Variants in SLC2A7 observed in about 807,000 individuals in gnomAD.
SLC2A7 encodes the protein solute carrier family 2, facilitated glucose transporter member 7.
Under a neutral mutation model 50.5 loss-of-function variants are expected in SLC2A7, and 50 were observed. That is an observed-to-expected ratio of 0.99 (90% CI 0.79 to 1.25). The LOEUF (loss-of-function observed/expected upper bound fraction) is 1.25. Among genes scored for constraint, SLC2A7 ranks in the 50% most tolerant of loss-of-function variants. The pLI is 0.00. For synonymous variants in SLC2A7, 308 were observed against 300.4 expected (o/e 1.03, Z -0.26); for missense variants, 683 against 679.1 (o/e 1.01, Z -0.06).
chr1:9,003,669 C>T, intron 11 of SLC2A7, 151 bp from the exon 12 acceptor site: 2 of 638,602 alleles, frequency 3.1e-6, no homozygotes, highest in Admixed American at 2.8e-5. Flanking sequence ...ACCAACCTGG[C>T]CAACATGATG....
chr1:9,024,853 AAGGCAAGATGGTGCCTCCTAC>A (rs1456894165), intron 2 of SLC2A7, 102 bp downstream of exon 2: 82 of 1,094,622 alleles, frequency 7.5e-5, no homozygotes, highest in Non-Finnish European at 1.0e-4. Context: ...GCTGCTCCCA[AAGGCAAGATGGTGCCTCCTAC>A]AGGCAAGATG....
chr1:8,997,259 T>C, the SLC2A7 span, among the ~76,000 whole-genome samples: 1 of 152,036 alleles, frequency 6.6e-6, no homozygotes, highest in African/African-American at 2.4e-5. Context: ...TGAGCCATGA[T>C]TGTGTCACTG....
At chr1:8,995,435 G>A in the SLC2A7 span, among the ~76,000 whole-genome samples, 21 of 146,366 alleles carry the variant, frequency 1.4e-4, no homozygotes, top group East Asian at 3.2e-3. Context: ...GCGACAGAGC[G>A]AGACTCTGCC....
chr1:9,021,206 C>T (rs1640907799), intron 3 of SLC2A7, among the ~76,000 whole-genome samples: 1 of 152,210 alleles, frequency 6.6e-6, no homozygotes, highest in Non-Finnish European at 1.5e-5. Flanking sequence ...GATGGAGTTT[C>T]ACCATGTTGG....
rs1640873656 is a variant in SLC2A7 at position 9,019,116 on chromosome 1, A to G, written c.436+93T>C. ...AGGACGTCTTGAAATGAAAAGAGGCAGAGCCAGGCAGACACCTCATCTGCT... is the reference window on the plus strand; with the variant it reads ...AGGACGTCTTGAAATGAAAAGAGGCGGAGCCAGGCAGACACCTCATCTGCT... On this transcript the variant is annotated intron_variant, in intron 4 of 11. Coordinates refer to ENST00000400906, the MANE Select transcript of SLC2A7 (RefSeq NM_207420.3). 26 of 1,499,520 alleles carry G rather than the reference A, an allele frequency of 1.7e-5. 1 individual carries two copies. In the South Asian group the frequency reaches 3.2e-4, roughly 19 times the overall value. 92.9% of individuals were successfully genotyped at this position (1,499,520 alleles called of 1,614,324 possible).
At chr1:8,997,764 T>C in the SLC2A7 span, among the ~76,000 whole-genome samples, 3 of 152,358 alleles carry the variant, frequency 2.0e-5, no homozygotes, top group South Asian at 2.1e-4. Context: ...CTCAGATATA[T>C]GATTTGCAAT....
intron 3 of SLC2A7, among the ~76,000 whole-genome samples, chr1:9,021,443 C>T (rs1640911671): frequency 2.0e-5 from 3 of 152,188 alleles, no homozygotes; most frequent in African/African-American, 2.4e-5. Flanking sequence ...ACACTTTGCA[C>T]ACATCTTTGA....
chr1:9,018,119 C>A lies in SLC2A7; in HGVS notation c.589+104G>T. On this transcript the variant is annotated intron_variant, in intron 5 of 11. Coordinates refer to ENST00000400906, the MANE Select transcript of SLC2A7 (RefSeq NM_207420.3). ...CCCACCACACTGCCCAACACCTGAC[C>A]CTAAAATCATCTCTCGGGTCTCATC... 3 of 1,501,982 alleles carry A rather than the reference C, an allele frequency of 2.0e-6. No individual in the cohort carries two copies. The Admixed American group carries it at 5.7e-5, about 28-fold the overall frequency. The allele number at this position is 1,501,982 out of a possible 1,614,324, so 93.0% of individuals were successfully genotyped here. A position where few individuals can be genotyped will look rare whatever the true frequency, so the allele number is the denominator to read the frequency against.
intron 5 of SLC2A7, 89 bp from the exon 6 acceptor site, chr1:9,015,331 T>C: frequency 9.0e-6 from 13 of 1,440,978 alleles, no homozygotes; most frequent in Non-Finnish European, 1.2e-5. Context: ...CTCCTATGTG[T>C]GAACCAAGGA....
the SLC2A7 span, among the ~76,000 whole-genome samples, chr1:8,996,182 C>T: frequency 6.6e-6 from 1 of 152,086 alleles, no homozygotes; most frequent in African/African-American, 2.4e-5. Context: ...TTCATTGCCC[C>T]CAAAAGTTTC....
chr1:9,007,585 C>T (rs916583501), intron 9 of SLC2A7, among the ~76,000 whole-genome samples, 200 bp from the exon 10 acceptor site: 8 of 152,192 alleles, frequency 5.3e-5, no homozygotes, highest in African/African-American at 1.9e-4. Flanking sequence ...GGGCTCCCTC[C>T]AGCCTCACCT....
chr1:8,995,611 G>A, the SLC2A7 span, among the ~76,000 whole-genome samples: 95 of 152,096 alleles, frequency 6.2e-4, no homozygotes, highest in Middle Eastern at 6.8e-3. Context: ...CAGGCACGGT[G>A]GCAGGTGCCT....
intron 5 of SLC2A7, among the ~76,000 whole-genome samples, chr1:9,016,119 G>A (rs1462494988): frequency 6.6e-6 from 1 of 152,178 alleles, no homozygotes; most frequent in East Asian, 1.9e-4. Flanking sequence ...TTCCCCAGCT[G>A]ATGTCTCTCT....
At chr1:9,005,781 C>CAAAA in intron 10 of SLC2A7, among the ~76,000 whole-genome samples, 1 of 42,608 alleles carries the variant, frequency 2.3e-5, no homozygotes, top group Non-Finnish European at 5.5e-5. Context: ...GACTCCAACT[C>CAAAA]AAAAAAAAAA....
chr1:9,005,083 G>A (rs1640635672), intron 10 of SLC2A7, among the ~76,000 whole-genome samples: 1 of 152,224 alleles, frequency 6.6e-6, no homozygotes. Context: ...GCAAAGTCTG[G>A]TTGGAGAGCC....
rs1228521198 is a variant in SLC2A7, at chr1:9,014,927, C to A, written c.716-59G>T. The A allele has an allele frequency of 2.6e-6, 4 of 1,520,488 alleles. No homozygotes were observed. In the African/African-American group the frequency reaches 5.5e-5, roughly 21 times the overall value. 94.2% of individuals were successfully genotyped at this position (1,520,488 alleles called of 1,614,324 possible). A position where few individuals can be genotyped will look rare whatever the true frequency, so the allele number is the denominator to read the frequency against. Reference sequence around the variant, plus strand: ...GTCTCCCTGCAGGCTGGGCCCCAAGCCCCCATGCTGGCCCTGAGCTCACCA... The same window carrying A: ...GTCTCCCTGCAGGCTGGGCCCCAAGACCCCATGCTGGCCCTGAGCTCACCA... On this transcript the variant is annotated intron_variant, in intron 6 of 11. Coordinates refer to ENST00000400906, the MANE Select transcript of SLC2A7 (RefSeq NM_207420.3).
chr1:9,009,460 TTTG>T (rs1640709199), intron 9 of SLC2A7, among the ~76,000 whole-genome samples: 1 of 152,156 alleles, frequency 6.6e-6, no homozygotes, highest in Non-Finnish European at 1.5e-5. Flanking sequence ...GTAGTTTTGT[TTTG>T]TTTTTTCTTT....
At chr1:9,021,910 G>A (rs1640917811) in intron 3 of SLC2A7, among the ~76,000 whole-genome samples, 1 of 152,016 alleles carries the variant, frequency 6.6e-6, no homozygotes, top group Non-Finnish European at 1.5e-5. Flanking sequence ...TTCCAGAACA[G>A]TCCAAACACT....
At position 9,003,217 on chromosome 1, in the gene SLC2A7, T is replaced by C; in HGVS notation, c.*83A>G. ...AACGACAAAAGCCTCCGTGCTATTA[T>C]CCTCCCCAGAGCCTGGGGCCGGGAG... On this transcript the variant is annotated 3_prime_UTR_variant, in exon 12 of 12. Transcript: ENST00000400906. 7.7e-7 allele frequency: 1 copy of C among 1,295,580 alleles called. No homozygotes were observed. Among genetic ancestry groups the C allele is most frequent in the South Asian group, 1.3e-5 (1 of 75,998 alleles). The allele number at this position is 1,295,580 out of a possible 1,614,324, so 80.3% of individuals were successfully genotyped here. A position where few individuals can be genotyped will look rare whatever the true frequency, so the allele number is the denominator to read the frequency against.
Sources: allele counts gnomAD v4.1 joint callset (sites outside exome capture counted in the v4.1 genomes callset), GRCh38; gene constraint gnomAD v4.1.1; transcripts MANE v1.5; gene names NCBI Gene and HGNC (gene_info 2026-07-23, HGNC 2026-07-21).